Variants in JAZF1 observed in about 807,000 individuals in gnomAD.
The protein encoded by JAZF1 is JAZF zinc finger 1, also known as juxtaposed with another zinc finger protein 1.
In JAZF1, 8 loss-of-function variants were observed where a neutral mutation model predicts 26.4. The ratio of observed to expected loss-of-function variants is 0.30; its 90% CI spans 0.18 to 0.55. The LOEUF (loss-of-function observed/expected upper bound fraction) is 0.55, where lower values mean the gene tolerates loss of function less well. JAZF1 is among the 20% of genes least tolerant of loss of function. The pLI is 0.94. For missense variants in JAZF1, 199 were observed against 322.0 expected (o/e 0.62, Z 2.92); for synonymous variants, 126 against 122.3 (o/e 1.03, Z -0.20).
At chr7:28,104,595 C>T (rs1784522664) in intron 1 of JAZF1, among the ~76,000 whole-genome samples, 1 of 152,118 alleles carries the variant, frequency 6.6e-6, no homozygotes, top group Non-Finnish European at 1.5e-5. Flanking sequence ...GAAGATATGT[C>T]CCAGTTCTGC....
intron 1 of JAZF1, chr7:28,071,831 T>C: frequency 1.0e-5 from 3 of 289,138 alleles, no homozygotes; most frequent in South Asian, 1.0e-4. Flanking sequence ...TCAGGAGAGA[T>C]CCTGCTGTTT....
intron 1 of JAZF1, among the ~76,000 whole-genome samples, chr7:28,096,300 C>T (rs575059523): frequency 2.6e-4 from 40 of 152,332 alleles, no homozygotes; most frequent in African/African-American, 9.6e-4. Flanking sequence ...AAAGGCAACA[C>T]TTTTGGTTAT....
intron 1 of JAZF1, among the ~76,000 whole-genome samples, chr7:28,103,401 C>T (rs373234771): frequency 5.3e-5 from 8 of 152,038 alleles, no homozygotes; most frequent in South Asian, 2.1e-4. Flanking sequence ...ACTATGATCG[C>T]GCCTCTGAAA....
intron 1 of JAZF1, among the ~76,000 whole-genome samples, chr7:28,059,642 G>A (rs17156307): frequency 0.024 from 3,596 of 151,920 alleles, 149 homozygotes; most frequent in African/African-American, 0.082. Context: ...CTCAAAGTAC[G>A]TATTTTAGAA....
chr7:28,051,267 C>T (rs1783611870), intron 1 of JAZF1, among the ~76,000 whole-genome samples: 1 of 151,074 alleles, frequency 6.6e-6, no homozygotes, highest in Admixed American at 6.6e-5. Context: ...TGCTCTGTTG[C>T]CAGGGTGGAG....
At chr7:28,072,703 G>T (rs1783995438) in intron 1 of JAZF1, among the ~76,000 whole-genome samples, 2 of 152,196 alleles carry the variant, frequency 1.3e-5, no homozygotes, top group South Asian at 4.1e-4. Context: ...TAGAAGGAAA[G>T]ATATAAACAC....
rs1784321182 is a variant in JAZF1, at chr7:27,909,414, A to C, written c.189-13998T>G. 3.4e-5 allele frequency among the ~76,000 whole-genome samples: 5 copies of C among 148,454 alleles called. No homozygotes were observed. The South Asian group carries it at 1.1e-3, about 32-fold the overall frequency. ...ATTAGGCATAATTTCAAAAAAAAAAAACCCACCACTGGCCGGGCGCGGTGG... is the reference window on the plus strand; with the variant it reads ...ATTAGGCATAATTTCAAAAAAAAAACACCCACCACTGGCCGGGCGCGGTGG... On this transcript the variant is annotated intron_variant, in intron 2 of 4. Transcript: ENST00000283928.
chr7:28,111,800 C>T (rs986812099), intron 1 of JAZF1, among the ~76,000 whole-genome samples: 4 of 152,144 alleles, frequency 2.6e-5, no homozygotes, highest in East Asian at 1.9e-4. Flanking sequence ...CATGCATGTG[C>T]ATGTGTGTAT....
At chr7:28,080,940 A>C (rs1784126323) in intron 1 of JAZF1, among the ~76,000 whole-genome samples, 1 of 149,984 alleles carries the variant, frequency 6.7e-6, no homozygotes, top group South Asian at 2.1e-4. Context: ...GTAAAAAAAA[A>C]CAAAAAAAAA....
At chr7:27,967,082 TA>T (rs1785288874) in intron 2 of JAZF1, among the ~76,000 whole-genome samples, 1 of 152,236 alleles carries the variant, frequency 6.6e-6, no homozygotes, top group East Asian at 1.9e-4. Flanking sequence ...AGCACATTTT[TA>T]TGCTTTTATT....
intron 3 of JAZF1, among the ~76,000 whole-genome samples, chr7:27,855,382 G>A (rs1783227799): frequency 6.6e-6 from 1 of 152,026 alleles, no homozygotes; most frequent in Non-Finnish European, 1.5e-5. Context: ...GAGCAGAACT[G>A]AAGGAGATAG....
intron 1 of JAZF1, among the ~76,000 whole-genome samples, chr7:27,993,099 T>C (rs898470794): frequency 3.3e-5 from 5 of 152,238 alleles, no homozygotes; most frequent in African/African-American, 7.2e-5. Context: ...TGGACAGTAG[T>C]ATCAGTTTTA....
At chr7:27,898,001 T>C (rs1437688077) in intron 2 of JAZF1, among the ~76,000 whole-genome samples, 1 of 152,230 alleles carries the variant, frequency 6.6e-6, no homozygotes, top group Non-Finnish European at 1.5e-5. Flanking sequence ...TGGCCTGTCA[T>C]GTACCAAGTG....
At chr7:28,068,744 G>C (rs952888938) in intron 1 of JAZF1, among the ~76,000 whole-genome samples, 1 of 152,118 alleles carries the variant, frequency 6.6e-6, no homozygotes, top group Non-Finnish European at 1.5e-5. Context: ...AAAAAGACAC[G>C]AGTCACTGGT....
At chr7:27,925,723 G>A (rs1193156911) in intron 2 of JAZF1, among the ~76,000 whole-genome samples, 1 of 152,202 alleles carries the variant, frequency 6.6e-6, no homozygotes, top group Non-Finnish European at 1.5e-5. Flanking sequence ...CATGTGCCCA[G>A]CCCAAGGCCA....
chr7:27,870,641 G>A (rs1447881977), intron 3 of JAZF1, among the ~76,000 whole-genome samples: 4 of 152,100 alleles, frequency 2.6e-5, no homozygotes, highest in Non-Finnish European at 4.4e-5. Context: ...ACCTGTCCCA[G>A]GTCACATACT....
chr7:27,904,739 G>A (rs1044159010), intron 2 of JAZF1, among the ~76,000 whole-genome samples: 1 of 128,762 alleles, frequency 7.8e-6, no homozygotes, highest in Non-Finnish European at 1.7e-5. Flanking sequence ...AGCAGCACCA[G>A]GAAAAAAAAC....
intron 2 of JAZF1, among the ~76,000 whole-genome samples, chr7:27,989,906 C>A (rs1785860765): frequency 6.6e-6 from 1 of 152,190 alleles, no homozygotes; most frequent in Non-Finnish European, 1.5e-5. Context: ...ACTAGAAATA[C>A]CACTTGACCC....
chr7:27,911,813 A>G (rs576797710), intron 2 of JAZF1, among the ~76,000 whole-genome samples: 7 of 150,594 alleles, frequency 4.6e-5, no homozygotes, highest in African/African-American at 1.5e-4. Flanking sequence ...AAAAGGAGGC[A>G]AAGGTTGAGA....
Sources: gnomAD v4.1 joint callset for allele counts (sites outside exome capture counted in the v4.1 genomes callset) on GRCh38, gnomAD v4.1.1 for gene constraint, MANE v1.5 for transcripts, NCBI Gene and HGNC (gene_info 2026-07-23, HGNC 2026-07-21) for gene names.